Variants in PCDH9 observed in about 807,000 individuals in gnomAD.
PCDH9 encodes the protein protocadherin 9.
A neutral mutation model predicts 70.6 loss-of-function variants in PCDH9; 24 were observed. That is an observed-to-expected ratio of 0.34 (90% CI 0.25 to 0.48). PCDH9 has a LOEUF of 0.48. Among genes scored for constraint, PCDH9 ranks in the 20% least tolerant of loss-of-function variants. PCDH9 has a pLI of 0.99. For synonymous variants in PCDH9, 562 were observed against 558.5 expected (o/e 1.01, Z -0.09); for missense variants, 1,281 against 1,503.6 (o/e 0.85, Z 2.45).
intron 2 of PCDH9, among the ~76,000 whole-genome samples, chr13:66,955,115 T>C (rs2083247289): frequency 6.6e-6 from 1 of 152,208 alleles, no homozygotes; most frequent in Non-Finnish European, 1.5e-5. Context: ...AGCATGTTAT[T>C]GACTATTCAC....
At chr13:66,499,311 G>A (rs763491872) in intron 4 of PCDH9, among the ~76,000 whole-genome samples, 1 of 151,736 alleles carries the variant, frequency 6.6e-6, no homozygotes. Flanking sequence ...TTTCAAGAAG[G>A]TCTATATATA....
intron 2 of PCDH9, among the ~76,000 whole-genome samples, chr13:66,950,659 A>G (rs1429034949): frequency 6.6e-6 from 1 of 151,634 alleles, no homozygotes; most frequent in African/African-American, 2.4e-5. Context: ...GAAAAATAAA[A>G]CAGGTGACCA....
chr13:66,736,790 G>A (rs2079155939), intron 3 of PCDH9, among the ~76,000 whole-genome samples: 1 of 152,102 alleles, frequency 6.6e-6, no homozygotes, highest in Admixed American at 6.6e-5. Context: ...TCCCATTTCT[G>A]AAACATACAC....
intron 3 of PCDH9, among the ~76,000 whole-genome samples, chr13:66,631,846 TAAC>T (rs762621506): frequency 1.1e-4 from 17 of 152,200 alleles, no homozygotes; most frequent in South Asian, 8.3e-4. Context: ...GTTTTTAGGG[TAAC>T]ATTTGTAGTC....
chr13:66,612,692 C>A (rs997417081), intron 4 of PCDH9, among the ~76,000 whole-genome samples: 3 of 152,064 alleles, frequency 2.0e-5, no homozygotes, highest in Non-Finnish European at 4.4e-5. Flanking sequence ...TGAAGGGGAG[C>A]CTGGGGAAGT....
chr13:66,734,363 A>G (rs2079116652), intron 3 of PCDH9, among the ~76,000 whole-genome samples: 1 of 152,180 alleles, frequency 6.6e-6, no homozygotes, highest in South Asian at 2.1e-4. Flanking sequence ...ATTCAGCTCT[A>G]TGCATTTCTT....
Position 66,304,748 on chromosome 13 carries a change from A to G in PCDH9, c.3621T>C (p.Asn1207=), listed in dbSNP as rs773178165. 4 of 1,613,414 alleles carry G rather than the reference A, an allele frequency of 2.5e-6. No individual in the cohort carries two copies. The highest frequency in any genetic ancestry group is 1.1e-5 in the South Asian group (1 of 91,068). ...GAGGAATGTCTGTCATGTGGCTGCC[A>G]TTGTTGAAATGGCCTTCATTGGAGC... ...QYGSNEGHFN[N]GSHMTDIPLA... The change falls in exon 5 of 5, where the codon AAT becomes AAC. Residue 1207 remains asparagine, a synonymous_variant. Transcript: ENST00000377865.
intron 4 of PCDH9, among the ~76,000 whole-genome samples, chr13:66,441,516 T>C (rs190214856): frequency 4.2e-4 from 64 of 152,284 alleles, no homozygotes; most frequent in Middle Eastern, 3.4e-3. Context: ...TCTAACAGAA[T>C]TGATTTTTCT....
intron 3 of PCDH9, among the ~76,000 whole-genome samples, chr13:66,866,215 A>G (rs552105380): frequency 1.1e-4 from 16 of 152,172 alleles, no homozygotes; most frequent in African/African-American, 2.2e-4. Flanking sequence ...ATGCGCGGTG[A>G]CTCACGCCTG....
In PCDH9 at chr13:66,560,178, G is replaced by A. The variant is rs572276503; in HGVS notation, c.3340+71032C>T. Among the ~76,000 whole-genome samples the A allele has an allele frequency of 3.9e-5, 6 of 152,092 alleles. 2 individuals carry two copies. The highest frequency in any genetic ancestry group is 9.7e-5 in the African/African-American group (4 of 41,432). On this transcript the variant is annotated intron_variant, in intron 4 of 4. Transcript: ENST00000377865. ...ATAAAGAGCCTTCACAGCATGTGCCGGGTTTATCGCCTGGTATGGGAATAT... is the reference window on the plus strand; with the variant it reads ...ATAAAGAGCCTTCACAGCATGTGCCAGGTTTATCGCCTGGTATGGGAATAT...
chr13:66,367,081 A>C (rs1956565312), intron 4 of PCDH9, among the ~76,000 whole-genome samples: 1 of 152,098 alleles, frequency 6.6e-6, no homozygotes, highest in Non-Finnish European at 1.5e-5. Context: ...TTAATTTTTA[A>C]ATTTATTTAA....
intron 2 of PCDH9, among the ~76,000 whole-genome samples, chr13:67,113,291 C>A (rs1315874962): frequency 1.3e-5 from 2 of 152,006 alleles, no homozygotes; most frequent in Non-Finnish European, 2.9e-5. Flanking sequence ...AAACAAAACC[C>A]ACAAAAAATA....
chr13:66,859,217 T>A (rs1856945718), intron 3 of PCDH9: 1 of 152,198 alleles, frequency 6.6e-6, no homozygotes, highest in South Asian at 2.1e-4. Context: ...CTTCTCCCAA[T>A]CACTAATTAG....
At chr13:66,875,275 T>A (rs1351016355) in intron 3 of PCDH9, among the ~76,000 whole-genome samples, 1 of 152,198 alleles carries the variant, frequency 6.6e-6, no homozygotes, top group Non-Finnish European at 1.5e-5. Flanking sequence ...CAACCCACTG[T>A]GTAAAAATCT....
chr13:66,772,504 A>T (rs2139276702), intron 3 of PCDH9, among the ~76,000 whole-genome samples: 1 of 152,264 alleles, frequency 6.6e-6, no homozygotes, highest in East Asian at 1.9e-4. Context: ...AGAGTCTATT[A>T]TTGAAGGGTT....
chr13:67,113,828 C>T (rs908797641), intron 2 of PCDH9, among the ~76,000 whole-genome samples: 30 of 152,188 alleles, frequency 2.0e-4, no homozygotes, highest in Admixed American at 7.9e-4. Flanking sequence ...ATTACAGGAA[C>T]CGCCAAAACT....
chr13:66,551,868 C>A (rs1305978023), intron 4 of PCDH9, among the ~76,000 whole-genome samples: 1 of 152,054 alleles, frequency 6.6e-6, no homozygotes, highest in African/African-American at 2.4e-5. Context: ...TTTGCTTGTT[C>A]ATTTTTTCAA....
At chr13:67,018,203 T>C (rs755557333) in intron 2 of PCDH9, among the ~76,000 whole-genome samples, 1 of 152,220 alleles carries the variant, frequency 6.6e-6, no homozygotes, top group Non-Finnish European at 1.5e-5. Context: ...TGAAAAGCTA[T>C]CTGAAGTAAA....
chr13:67,083,598 C>T (rs1194854787), intron 2 of PCDH9, among the ~76,000 whole-genome samples: 1 of 152,068 alleles, frequency 6.6e-6, no homozygotes, highest in Non-Finnish European at 1.5e-5. Flanking sequence ...ATGAAAGGTG[C>T]TTTTTAGCTA....
Sources: gnomAD v4.1 joint callset for allele counts (sites outside exome capture counted in the v4.1 genomes callset) on GRCh38, gnomAD v4.1.1 for gene constraint, MANE v1.5 for transcripts, NCBI Gene and HGNC (gene_info 2026-07-23, HGNC 2026-07-21) for gene names.